Variants in JAKMIP3 observed in about 807,000 individuals in gnomAD.
JAKMIP3 encodes the protein Janus kinase and microtubule interacting protein 3, also known as janus kinase and microtubule-interacting protein 3.
A neutral mutation model predicts 118.5 loss-of-function variants in JAKMIP3; 58 were observed. The observed-to-expected ratio is 0.49, with a 90% CI of 0.40 to 0.61. JAKMIP3 has a LOEUF of 0.61. JAKMIP3 is among the 20% of genes least tolerant of loss of function. The pLI is 0.00. For missense variants in JAKMIP3, 950 were observed against 1,109.0 expected, an observed-to-expected ratio of 0.86 and a Z score of 2.04; for synonymous variants, 486 against 451.2, an observed-to-expected ratio of 1.08 and a Z score of -0.98.
intron 1 of JAKMIP3, among the ~76,000 whole-genome samples, chr10:132,097,909 T>TTCCTTCCTTCCTTTTCTTTTC (rs2044154506): frequency 2.1e-5 from 1 of 47,914 alleles, no homozygotes; most frequent in Admixed American, 2.3e-4. Context: ...CCCCTTCCCC[T>TTCCTTCCTTCCTTTTCTTTTC]TCCCCTTCCC....
rs2047818697 is a variant in JAKMIP3, at chr10:132,117,207, C to T, written c.266C>T (p.Ala89Val). ...GAGGAGAAGATGAAGGAGCTACAGG[C>T]TGTGCGTGAGACGCTGCTGCGGCAG... is the stretch of plus-strand genomic sequence containing the variant. ...LHEEKMKELQAVRETLLRQHE... is the reference protein window; with the variant it reads ...LHEEKMKELQVVRETLLRQHE... Residue 89 changes from alanine to valine, a missense_variant, in exon 3 of 24, where the codon GCT becomes GTT. Physicochemically the swap from Ala to Val is moderately conservative, Grantham distance 64. Coordinates refer to ENST00000684848, the MANE Select transcript of JAKMIP3 (RefSeq NM_001323087.2). This position sits in a 1 kb window ranked among gnomAD's most constrained non-coding sequence, Gnocchi z 8.6. 2.5e-6 allele frequency: 4 copies of T among 1,613,874 alleles called. No individual in the cohort carries two copies. The highest frequency in any genetic ancestry group is 2.7e-5 in the African/African-American group (2 of 74,940).
chr10:132,051,427 G>A (rs1346572880), intron 1 of JAKMIP3, among the ~76,000 whole-genome samples: 1 of 148,958 alleles, frequency 6.7e-6, no homozygotes, highest in African/African-American at 2.5e-5. Flanking sequence ...CTGGTTATGT[G>A]GGGGGGTACC....
At chr10:132,120,083 A>G (rs942623333) in intron 3 of JAKMIP3, among the ~76,000 whole-genome samples, 1 of 152,246 alleles carries the variant, frequency 6.6e-6, no homozygotes, top group African/African-American at 2.4e-5. Context: ...TCCCAGGGTC[A>G]GGTCGTCCCC....
At chr10:132,142,563 GCTCAC>G (rs2053743986) in intron 11 of JAKMIP3, among the ~76,000 whole-genome samples, 1 of 151,750 alleles carries the variant, frequency 6.6e-6, no homozygotes. Context: ...CACTTCCCTG[GCTCAC>G]CTTAGCGTCG....
chr10:132,070,731 C>A (rs1160212020), intron 1 of JAKMIP3, among the ~76,000 whole-genome samples: 1 of 152,042 alleles, frequency 6.6e-6, no homozygotes, highest in Non-Finnish European at 1.5e-5. Context: ...TTAAAAGAGC[C>A]CCCAAAGGCC....
intron 1 of JAKMIP3, among the ~76,000 whole-genome samples, chr10:132,088,486 G>A (rs1283694421): frequency 1.3e-5 from 2 of 152,148 alleles, no homozygotes; most frequent in Non-Finnish European, 2.9e-5. Flanking sequence ...TCATGTGTCT[G>A]TTGGCTGATA....
chr10:132,164,140 G>C (rs1407319546), intron 20 of JAKMIP3, among the ~76,000 whole-genome samples: 1 of 152,142 alleles, frequency 6.6e-6, no homozygotes, highest in Non-Finnish European at 1.5e-5. Context: ...GGTTAATGTT[G>C]GCCATGCTCT....
At position 132,140,552 on chromosome 10, in the gene JAKMIP3, G is replaced by T. The variant is rs542588608; in HGVS notation, c.1446G>T (p.Pro482=). 1 of 1,608,050 alleles carries T rather than the reference G, an allele frequency of 6.2e-7. No homozygotes were observed. The highest frequency in any genetic ancestry group is 1.1e-5 in the South Asian group (1 of 90,420). The change falls in exon 10 of 24, where the codon CCG becomes CCT. Residue 482 remains proline (P), a synonymous_variant. Transcript: ENST00000684848. The part of the protein sequence containing the change: ...SYQTDRTDQT[P]CTPDDDLEEG... ...AAACAGACAGGACGGACCAGACCCC[G>T]TGCACCCCGGACGATGACTTGGAGG...
At chr10:132,126,795 T>G (rs1355427080) in intron 3 of JAKMIP3, among the ~76,000 whole-genome samples, 1 of 152,246 alleles carries the variant, frequency 6.6e-6, no homozygotes, top group African/African-American at 2.4e-5. Context: ...TTAATTGGCT[T>G]TTAAGTATAA....
chr10:132,122,487 C>T (rs1216100176), intron 3 of JAKMIP3, among the ~76,000 whole-genome samples: 1 of 152,274 alleles, frequency 6.6e-6, no homozygotes, highest in East Asian at 1.9e-4. Flanking sequence ...AGGGGCCACA[C>T]AGCAGGGCAG....
At chr10:132,149,551 CCA>C in intron 15 of JAKMIP3, 41 bp downstream of exon 15, 1 of 891,372 alleles carries the variant, frequency 1.1e-6, no homozygotes, top group Non-Finnish European at 1.6e-6. Context: ...CCCACCTCAC[CCA>C]TCCCCCGCCC....
chr10:132,104,041 A>G (rs2045521502), intron 1 of JAKMIP3, among the ~76,000 whole-genome samples: 1 of 152,166 alleles, frequency 6.6e-6, no homozygotes. Flanking sequence ...CTCCTGTCAT[A>G]GCGTGTGTCC....
intron 19 of JAKMIP3, among the ~76,000 whole-genome samples, chr10:132,156,406 G>T (rs965280277): frequency 2.0e-4 from 30 of 152,188 alleles, no homozygotes; most frequent in African/African-American, 7.2e-4. Context: ...GGTGGAGAGG[G>T]CTGGGATCCA....
intron 1 of JAKMIP3, among the ~76,000 whole-genome samples, chr10:132,042,363 C>T (rs766722856): frequency 2.0e-5 from 3 of 152,132 alleles, no homozygotes; most frequent in Non-Finnish European, 4.4e-5. Context: ...AGGTTTGCAC[C>T]ACCACGCCTG....
chr10:132,055,996 T>C (rs1393695005), intron 1 of JAKMIP3, among the ~76,000 whole-genome samples: 1 of 152,176 alleles, frequency 6.6e-6, no homozygotes, highest in Non-Finnish European at 1.5e-5. Context: ...GCTGTGAACA[T>C]GACTCCACCT....
At chr10:132,083,793 T>G (rs1429619680) in intron 1 of JAKMIP3, among the ~76,000 whole-genome samples, 1 of 152,184 alleles carries the variant, frequency 6.6e-6, no homozygotes, top group Non-Finnish European at 1.5e-5. Context: ...AGGGTGTCCT[T>G]TCTCCACTTT....
intron 9 of JAKMIP3, among the ~76,000 whole-genome samples, chr10:132,139,053 T>A (rs959644197): frequency 6.0e-5 from 9 of 149,908 alleles, no homozygotes; most frequent in South Asian, 2.1e-4. Context: ...ATGTTGAGTG[T>A]GTGTGTGTGT....
rs145834847 is a variant in JAKMIP3, at chr10:132,142,023, C to T, written c.1577C>T (p.Thr526Met). Residue 526 changes from threonine to methionine, a missense_variant, in exon 11 of 24, where the codon ACG becomes ATG. Transcript: ENST00000684848. Reference protein sequence around the residue: ...YALLQEQVGGTLDAEREVKTR... With the variant: ...YALLQEQVGGMLDAEREVKTR... ...TTGTTGCAGGAGCAGGTTGGAGGGACGCTGGACGCAGAGCGAGAAGTTAAG... is the reference window on the plus strand; with the variant it reads ...TTGTTGCAGGAGCAGGTTGGAGGGATGCTGGACGCAGAGCGAGAAGTTAAG... 1.6e-5 allele frequency: 26 copies of T among 1,608,738 alleles called. No homozygotes were observed. In the African/African-American group the frequency reaches 1.7e-4, roughly 11 times the overall value.
chr10:132,109,113 C>CATAT (rs1008242682), intron 2 of JAKMIP3, among the ~76,000 whole-genome samples: 20 of 130,010 alleles, frequency 1.5e-4, no homozygotes, highest in South Asian at 1.0e-3. Flanking sequence ...TACACACACA[C>CATAT]ATATATATAT....
Sources: gnomAD v4.1 joint callset for allele counts (sites outside exome capture counted in the v4.1 genomes callset) on GRCh38, gnomAD v4.1.1 for gene constraint, Gnocchi (gnomAD v3.1) non-coding constraint, MANE v1.5 for transcripts, NCBI Gene and HGNC (gene_info 2026-07-23, HGNC 2026-07-21) for gene names.